Variants in SMYD3 observed in about 807,000 individuals in gnomAD.
The protein encoded by SMYD3 is SET and MYND domain containing 3, also known as histone-lysine N-methyltransferase SMYD3.
SMYD3 carries 36 observed loss-of-function variants against 57.7 expected under a neutral mutation model. The observed-to-expected ratio is 0.62, with a 90% CI of 0.48 to 0.82. The LOEUF is 0.82. Ranked by LOEUF, SMYD3 falls within the 40% of genes least tolerant of loss-of-function variation. The pLI is 0.00. For missense variants in SMYD3, 515 were observed against 538.8 expected (o/e 0.96, Z 0.44); for synonymous variants, 211 against 195.0 (o/e 1.08, Z -0.68).
chr1:245,870,905 C>T (rs749910834), intron 8 of SMYD3, among the ~76,000 whole-genome samples: 1 of 152,050 alleles, frequency 6.6e-6, no homozygotes, highest in Non-Finnish European at 1.5e-5. Context: ...AGCTTGCAAG[C>T]GTTTGATGTT....
intron 8 of SMYD3, among the ~76,000 whole-genome samples, chr1:245,876,363 C>T (rs1445379654): frequency 6.6e-6 from 1 of 152,158 alleles, no homozygotes; most frequent in Non-Finnish European, 1.5e-5. Flanking sequence ...CAGGCAGATA[C>T]CGGTATCTTT....
chr1:246,282,778 G>T (rs2064481962), intron 5 of SMYD3, among the ~76,000 whole-genome samples: 1 of 152,110 alleles, frequency 6.6e-6, no homozygotes, highest in Admixed American at 6.5e-5. Flanking sequence ...GGGGAAAAAT[G>T]ATAAAAATTT....
chr1:246,206,472 G>A (rs1441817612), intron 5 of SMYD3, among the ~76,000 whole-genome samples: 1 of 151,888 alleles, frequency 6.6e-6, no homozygotes, highest in African/African-American at 2.4e-5. Context: ...AGGGTCATAT[G>A]GAATGTTCTA....
chr1:246,197,814 T>C (rs2062849182), intron 5 of SMYD3, among the ~76,000 whole-genome samples: 2 of 152,192 alleles, frequency 1.3e-5, no homozygotes, highest in East Asian at 1.9e-4. Flanking sequence ...ACAGAATATA[T>C]AGGGGAACAC....
chr1:246,004,699 T>C (rs893679687), intron 5 of SMYD3, among the ~76,000 whole-genome samples: 11 of 152,304 alleles, frequency 7.2e-5, no homozygotes, highest in African/African-American at 2.6e-4. Context: ...GGAATGTATG[T>C]GCACACAAAG....
chr1:246,351,648 C>T (rs4654240), intron 2 of SMYD3, among the ~76,000 whole-genome samples: 23,605 of 152,062 alleles, frequency 0.16, 2,101 homozygotes, highest in East Asian at 0.31. Context: ...TCGATGTGTA[C>T]GCTATATATG....
At chr1:246,414,460 T>C (rs1014407470) in intron 1 of SMYD3, among the ~76,000 whole-genome samples, 7 of 152,296 alleles carry the variant, frequency 4.6e-5, no homozygotes, top group East Asian at 1.9e-4. Flanking sequence ...GTCTCTTCTC[T>C]ACAAGGTTAA....
chr1:246,473,669 A>ATTG (rs1385282228), intron 1 of SMYD3, among the ~76,000 whole-genome samples: 2 of 152,190 alleles, frequency 1.3e-5, no homozygotes, highest in African/African-American at 4.8e-5. Flanking sequence ...TTTATGACAT[A>ATTG]TTGTTATTAT....
At chr1:246,486,745 T>C (rs1262515201) in intron 1 of SMYD3, among the ~76,000 whole-genome samples, 1 of 152,152 alleles carries the variant, frequency 6.6e-6, no homozygotes, top group African/African-American at 2.4e-5. Context: ...GACAAACAGA[T>C]GAATAATACT....
intron 8 of SMYD3, among the ~76,000 whole-genome samples, chr1:245,904,936 G>A (rs10802292): frequency 0.67 from 100,652 of 151,144 alleles, 38,095 homozygotes; most frequent in Non-Finnish European, 0.85. Context: ...CAGCAGAGTC[G>A]TGAGGCCCCC....
At chr1:246,478,423 G>T (rs2068056574) in intron 1 of SMYD3, among the ~76,000 whole-genome samples, 2 of 147,564 alleles carry the variant, frequency 1.4e-5, no homozygotes, top group Admixed American at 1.4e-4. Flanking sequence ...CTGTCCTGGA[G>T]CTGGTACATA....
At chr1:246,454,051 G>T (rs4654256) in intron 1 of SMYD3, among the ~76,000 whole-genome samples, 31,639 of 151,994 alleles carry the variant, frequency 0.21, 3,498 homozygotes, top group Middle Eastern at 0.29. Context: ...TGTTCACAAT[G>T]CAAAAAAGAG....
intron 1 of SMYD3, among the ~76,000 whole-genome samples, chr1:246,474,444 G>A (rs970262195): frequency 3.4e-5 from 5 of 148,506 alleles, no homozygotes; most frequent in Admixed American, 1.4e-4. Context: ...GCTTGAACCC[G>A]GGAGGCAGAA....
intron 10 of SMYD3, among the ~76,000 whole-genome samples, chr1:245,806,827 G>T (rs371728960): frequency 6.7e-6 from 1 of 148,214 alleles, no homozygotes; most frequent in African/African-American, 2.5e-5. Context: ...GGAGAATGGC[G>T]TGAACCCGGG....
At chr1:245,751,499 A>G (rs2045351077) in intron 11 of SMYD3, among the ~76,000 whole-genome samples, 1 of 151,354 alleles carries the variant, frequency 6.6e-6, no homozygotes, top group Non-Finnish European at 1.5e-5. Flanking sequence ...AGGCAGACAG[A>G]GGGGGTCTAG....
At chr1:246,217,679 G>A (rs536097527) in intron 5 of SMYD3, among the ~76,000 whole-genome samples, 3 of 152,044 alleles carry the variant, frequency 2.0e-5, no homozygotes, top group African/African-American at 4.8e-5. Flanking sequence ...ATAAGAGATT[G>A]AAAATATGAG....
chr1:246,377,369 CTTTTT>C (rs531494337), intron 1 of SMYD3, among the ~76,000 whole-genome samples: 1 of 134,228 alleles, frequency 7.5e-6, no homozygotes. Flanking sequence ...GCAAATAATT[CTTTTT>C]TTTTTTTTTT....
chr1:245,847,989 T>C (rs2050750436), intron 10 of SMYD3, among the ~76,000 whole-genome samples: 2 of 152,062 alleles, frequency 1.3e-5, no homozygotes, highest in South Asian at 2.1e-4. Context: ...CCACAAACAA[T>C]TAAATGTTTT....
intron 5 of SMYD3, among the ~76,000 whole-genome samples, chr1:246,281,743 G>A (rs187036468): frequency 6.6e-6 from 1 of 152,236 alleles, no homozygotes; most frequent in African/African-American, 2.4e-5. Flanking sequence ...AAACAGTGGA[G>A]GAAAAGAAAG....
Sources: allele counts gnomAD v4.1 joint callset (sites outside exome capture counted in the v4.1 genomes callset), GRCh38; gene constraint gnomAD v4.1.1; transcripts MANE v1.5; gene names NCBI Gene and HGNC (gene_info 2026-07-23, HGNC 2026-07-21).